The following ARHGAP11B variants were observed in gnomAD, a reference collection of about 807,000 sequenced individuals.
The protein encoded by ARHGAP11B is inactive Rho GTPase-activating protein 11B.
ARHGAP11B carries 14 observed loss-of-function variants against 27.6 expected under a neutral mutation model. The ratio of observed to expected loss-of-function variants is 0.51; its 90% CI spans 0.34 to 0.79. ARHGAP11B has a LOEUF of 0.79. Ranked by LOEUF, ARHGAP11B falls within the 30% of genes least tolerant of loss-of-function variation. The probability of loss-of-function intolerance (pLI) is 0.02; values close to 1 mark genes in which losing one functional copy is unlikely to be tolerated. For synonymous variants in ARHGAP11B, 82 were observed against 114.1 expected (o/e 0.72, Z 1.80); for missense variants, 245 against 320.1 (o/e 0.77, Z 1.79).
chr15:30,631,587 A>T (rs1442275976), intron 2 of ARHGAP11B, among the ~76,000 whole-genome samples: 2 of 151,820 alleles, frequency 1.3e-5, no homozygotes, highest in African/African-American at 4.8e-5. Context: ...TGATTGTTTG[A>T]CCCTAGGAGT....
In ARHGAP11B at chr15:30,635,140, T is replaced by A. The variant is rs781506830; in HGVS notation, c.612T>A (p.Leu204=). ...CAGTAATATTTGCACCAAATCTTCTTCAGACAAGTGAAGGACATGAAAAGA... is the reference window on the plus strand; with the variant it reads ...CAGTAATATTTGCACCAAATCTTCTACAGACAAGTGAAGGACATGAAAAGA... Residue 204 remains leucine (L), a synonymous_variant, in exon 5 of 11, where the codon CTT becomes CTA. Coordinates refer to ENST00000428041, the Ensembl canonical transcript of ARHGAP11B. The A allele has an allele frequency of 4.3e-6, 7 of 1,613,498 alleles. 1 individual carries two copies. The East Asian group carries it at 1.6e-4, about 36-fold the overall frequency.
intron 7 of ARHGAP11B, among the ~76,000 whole-genome samples, chr15:30,643,557 G>A (rs1365689894): frequency 4.6e-5 from 7 of 152,000 alleles, no homozygotes; most frequent in East Asian, 1.9e-4. Flanking sequence ...GCGTACAGGC[G>A]TGAGCCACGG....
Sources: allele counts gnomAD v4.1 joint callset (sites outside exome capture counted in the v4.1 genomes callset), GRCh38; gene constraint gnomAD v4.1.1; transcripts MANE v1.5; gene names NCBI Gene and HGNC (gene_info 2026-07-23, HGNC 2026-07-21).